The following RFX2 variants were observed in gnomAD, a reference collection of about 807,000 sequenced individuals.
The protein encoded by RFX2 is DNA-binding protein RFX2.
A neutral mutation model predicts 87.8 loss-of-function variants in RFX2; 20 were observed. The ratio of observed to expected loss-of-function variants is 0.23; its 90% CI spans 0.16 to 0.33. The LOEUF is 0.33. Ranked by LOEUF, RFX2 falls within the 10% of genes least tolerant of loss-of-function variation. The pLI is 1.00. For synonymous variants in RFX2, 397 were observed against 431.3 expected (o/e 0.92, Z 0.98); for missense variants, 767 against 1,012.3 (o/e 0.76, Z 3.29).
chr19:6,020,306 C>T lies in RFX2; in HGVS notation c.598-4035G>A, dbSNP rs1451480951. The T allele has an allele frequency of 6.6e-6, 1 of 152,188 alleles. No individual in the cohort carries two copies. Among genetic ancestry groups the T allele is most frequent in the East Asian group, 1.9e-4 (1 of 5,198 alleles). The allele number at this position is 152,188 out of a possible 1,614,324, so 9.4% of individuals were successfully genotyped here. A position where few individuals can be genotyped will look rare whatever the true frequency, so the allele number is the denominator to read the frequency against. Reference sequence around the variant, plus strand: ...CCCCAGGCTATTTAAGAGTAGAATCCTTTGCTTGGGTAATTACGTTGACAT... The same window carrying T: ...CCCCAGGCTATTTAAGAGTAGAATCTTTTGCTTGGGTAATTACGTTGACAT... On this transcript the variant is annotated intron_variant, in intron 6 of 17. Coordinates refer to ENST00000303657, the MANE Select transcript of RFX2 (RefSeq NM_000635.4). This position sits in a 1 kb window ranked among gnomAD's most constrained non-coding sequence, Gnocchi z 5.3.
Position 5,997,290 on chromosome 19 carries a change from C to G in RFX2, c.1860-77G>C. The G allele has an allele frequency of 7.0e-7, 1 of 1,431,272 alleles. No homozygotes were observed. The highest frequency in any genetic ancestry group is 2.3e-5 in the Admixed American group (1 of 44,240). The allele number at this position is 1,431,272 out of a possible 1,614,324, so 88.7% of individuals were successfully genotyped here. ...GGCCCCAGGCCAGACTTCATGGCAG[C>G]AACACACCCCCTGCTCTACGTTCCC... is the stretch of plus-strand genomic sequence containing the variant. On this transcript the variant is annotated intron_variant, in intron 15 of 17. Transcript: ENST00000303657. This position sits in a 1 kb window ranked among gnomAD's most constrained non-coding sequence, Gnocchi z 4.2.
chr19:6,087,846 C>A (rs968856655), intron 1 of RFX2, among the ~76,000 whole-genome samples: 1 of 152,148 alleles, frequency 6.6e-6, no homozygotes, highest in Non-Finnish European at 1.5e-5. Flanking sequence ...AGGTGGACAG[C>A]GTGTTTTGAT....
chr19:5,997,139 T>A lies in RFX2; in HGVS notation c.1934A>T (p.Tyr645Phe). 1 of 1,613,790 alleles carries A rather than the reference T, an allele frequency of 6.2e-7. No individual in the cohort carries two copies. The highest frequency in any genetic ancestry group is 8.5e-7 in the Non-Finnish European group (1 of 1,180,002). Residue 645 changes from tyrosine to phenylalanine, a missense_variant, in exon 16 of 18, where the codon TAC becomes TTC. By Grantham distance (22) the Tyr-to-Phe change is conservative (BLOSUM62 3). Coordinates refer to ENST00000303657, the MANE Select transcript of RFX2 (RefSeq NM_000635.4). This position sits in a 1 kb window ranked among gnomAD's most constrained non-coding sequence, Gnocchi z 4.2. ...FGSFHLIRLL[Y>F]DEYMFYLVEH... ...CACCAGGTAGAACATGTACTCGTCG[T>A]AGAGCAGGCGGATGAGGTGGAAGGA...
chr19:6,048,431 T>C (rs1264507798), intron 1 of RFX2, among the ~76,000 whole-genome samples: 1 of 152,238 alleles, frequency 6.6e-6, no homozygotes, highest in Non-Finnish European at 1.5e-5. Context: ...CACTTTTAAA[T>C]AAACAATCGG....
chr19:6,071,752 T>C (rs1005086128), intron 1 of RFX2, among the ~76,000 whole-genome samples: 1 of 152,150 alleles, frequency 6.6e-6, no homozygotes, highest in Non-Finnish European at 1.5e-5. Context: ...TTAAACTAAA[T>C]TAGTCCCAAT....
At chr19:6,093,569 T>C (rs1047401362) in intron 1 of RFX2, among the ~76,000 whole-genome samples, 27 of 151,870 alleles carry the variant, frequency 1.8e-4, no homozygotes, top group African/African-American at 6.0e-4. Context: ...AAAGGCTAAG[T>C]AAGTACTTAG....
chr19:5,997,119 G>A lies in RFX2; in HGVS notation c.1954C>T (p.Leu652=), dbSNP rs762907288. Residue 652 remains leucine (L), a synonymous_variant, in exon 16 of 18, where the codon CTG becomes TTG. Transcript: ENST00000303657. The surrounding 1 kb of genome is among the most constrained non-coding windows in gnomAD (Gnocchi z 4.2). The part of the protein sequence containing the change: ...RLLYDEYMFY[L]VEHRVAEATG... ...GCCTCCGCGACGCGGTGCTCCACCA[G>A]GTAGAACATGTACTCGTCGTAGAGC... 156 of 1,613,622 alleles carry A rather than the reference G, an allele frequency of 9.7e-5. No homozygotes were observed. Among genetic ancestry groups the A allele is most frequent in the Non-Finnish European group, 1.2e-4 (138 of 1,180,002 alleles).
rs2088097211 is a variant in RFX2, at chr19:6,100,207, T to C, written c.-9+10186A>G. 2.6e-5 allele frequency among the ~76,000 whole-genome samples: 4 copies of C among 152,210 alleles called. No homozygotes were observed. In the South Asian group the frequency reaches 8.3e-4, roughly 32 times the overall value. On this transcript the variant is annotated intron_variant, in intron 1 of 17. Transcript: ENST00000303657. ...CCCGTTTAAAGTATGGCAAGCTCAT[T>C]TGGAGTAGTGAAAGGGAGGCAACGA... is the stretch of plus-strand genomic sequence containing the variant.
In RFX2 at chr19:6,008,160, G is replaced by A. The variant is rs2086609933; in HGVS notation, c.1080C>T (p.Gly360=). The change falls in exon 10 of 18, where the codon GGC becomes GGT. Residue 360 remains glycine, a synonymous_variant. Coordinates refer to ENST00000303657, the MANE Select transcript of RFX2 (RefSeq NM_000635.4). ...PDLGSFLLQD[G]VTLHDVKALQ... is the part of the protein sequence containing the mutation. ...GGGCCTTGACGTCGTGCAGTGTGAC[G>A]CCGTCCTGCAGCAGGAAGCTGCCCA... 6.4e-6 allele frequency: 10 copies of A among 1,557,292 alleles called. No individual in the cohort carries two copies. The highest frequency in any genetic ancestry group is 6.1e-6 in the Non-Finnish European group (7 of 1,148,968).
rs375317087 is a variant in RFX2, at chr19:6,013,117, A to G, written c.780-12T>C. ...ACTTCGAGTTGCCCCTGGAAACCAAACATCCCAGGGTCAGCTCCCTTTGCA... is the reference window on the plus strand; with the variant it reads ...ACTTCGAGTTGCCCCTGGAAACCAAGCATCCCAGGGTCAGCTCCCTTTGCA... On this transcript the variant is annotated splice_polypyrimidine_tract_variant and intron_variant, in intron 7 of 17. Transcript: ENST00000303657. The surrounding 1 kb of genome is among the most constrained non-coding windows in gnomAD (Gnocchi z 4.1). 8.8e-5 allele frequency: 140 copies of G among 1,584,450 alleles called. No individual in the cohort carries two copies. Among genetic ancestry groups the G allele is most frequent in the Non-Finnish European group, 8.2e-5 (96 of 1,166,384 alleles).
chr19:6,035,850 G>GTGTGTGTGTGT (rs1555776253), intron 5 of RFX2, among the ~76,000 whole-genome samples: 143 of 137,248 alleles, frequency 1.0e-3, no homozygotes, highest in Middle Eastern at 4.1e-3. Flanking sequence ...CTTGGTGGGG[G>GTGTGTGTGTGT]GTGTGTGTGT....
At chr19:5,996,982 C>T (rs564425368) in intron 16 of RFX2, 78 bp downstream of exon 16, 8 of 1,452,222 alleles carry the variant, frequency 5.5e-6, no homozygotes, top group South Asian at 3.9e-5. Context: ...TGTCCTCTCT[C>T]TGGGCTGCTC....
intron 5 of RFX2, among the ~76,000 whole-genome samples, chr19:6,033,602 T>C (rs898407559): frequency 1.4e-5 from 2 of 140,670 alleles, no homozygotes; most frequent in African/African-American, 5.6e-5. Context: ...CCTGGGTACT[T>C]TTCCCACCTT....
intron 1 of RFX2, among the ~76,000 whole-genome samples, chr19:6,104,083 C>T (rs542470156): frequency 4.6e-5 from 7 of 152,166 alleles, no homozygotes; most frequent in East Asian, 3.9e-4. Flanking sequence ...AGCTAATAAA[C>T]GGTGGCACCA....
intron 1 of RFX2, among the ~76,000 whole-genome samples, chr19:6,108,712 CG>C (rs1245988954): frequency 6.6e-6 from 1 of 152,120 alleles, no homozygotes; most frequent in African/African-American, 2.4e-5. Flanking sequence ...CCTGGGGGGG[CG>C]GGGGTAAGGC....
chr19:6,015,027 G>A (rs1443517214), intron 7 of RFX2, among the ~76,000 whole-genome samples: 1 of 152,196 alleles, frequency 6.6e-6, no homozygotes, highest in African/African-American at 2.4e-5. Context: ...GTTTCTTTCT[G>A]TTAGAGGAGA....
chr19:6,003,458 C>T (rs1355049816), intron 13 of RFX2, among the ~76,000 whole-genome samples: 1 of 152,100 alleles, frequency 6.6e-6, no homozygotes, highest in Non-Finnish European at 1.5e-5. Context: ...GCAGCTGCCT[C>T]CTCTCACCCA....
At chr19:6,078,618 G>A (rs1486542661) in intron 1 of RFX2, among the ~76,000 whole-genome samples, 2 of 152,064 alleles carry the variant, frequency 1.3e-5, no homozygotes, top group African/African-American at 2.4e-5. Context: ...ATAGGTAAAG[G>A]GGCCTTAAAA....
intron 1 of RFX2, among the ~76,000 whole-genome samples, chr19:6,096,572 G>A (rs1004466618): frequency 2.6e-5 from 4 of 151,904 alleles, no homozygotes; most frequent in African/African-American, 7.3e-5. Flanking sequence ...TCAGCCTCCC[G>A]AGTAGCTGGG....
Sources: allele counts gnomAD v4.1 joint callset (sites outside exome capture counted in the v4.1 genomes callset), GRCh38; gene constraint gnomAD v4.1.1; non-coding constraint Gnocchi (gnomAD v3.1); transcripts MANE v1.5; gene names NCBI Gene and HGNC (gene_info 2026-07-23, HGNC 2026-07-21).